NEO1: variants seen among roughly 807,000 people sequenced by gnomAD.
NEO1 encodes neogenin 1, also known as neogenin.
NEO1 carries 63 observed loss-of-function variants against 159.7 expected under a neutral mutation model. The observed-to-expected ratio is 0.39, with a 90% confidence interval of 0.32 to 0.49. NEO1 has a LOEUF of 0.49. Among genes scored for constraint, NEO1 ranks in the 20% least tolerant of loss-of-function variants. NEO1 has a pLI of 0.85. For missense variants in NEO1, 1,615 were observed against 1,831.0 expected (o/e 0.88, Z 2.15); for synonymous variants, 633 against 662.0 (o/e 0.96, Z 0.67).
chr15:73,051,848 G>A (rs1235206582), upstream of NEO1: 2 of 152,342 alleles, frequency 1.3e-5, no homozygotes, highest in Non-Finnish European at 2.9e-5. Flanking sequence ...TCCTCCCGGA[G>A]GCCTTTCGGT....
intron 1 of NEO1, among the ~76,000 whole-genome samples, chr15:73,069,788 T>C (rs1311096615): frequency 2.0e-5 from 3 of 152,112 alleles, no homozygotes; most frequent in African/African-American, 7.2e-5. Flanking sequence ...ATTTGTTAAA[T>C]AAGGAATTCA....
At chr15:73,168,529 G>A (rs182603181) in intron 5 of NEO1, among the ~76,000 whole-genome samples, 12 of 152,150 alleles carry the variant, frequency 7.9e-5, no homozygotes, top group African/African-American at 2.2e-4. Flanking sequence ...TCAGATGGAT[G>A]AGTACCTGTT....
chr15:73,071,728 C>G (rs1168251132), intron 1 of NEO1, among the ~76,000 whole-genome samples: 1 of 152,136 alleles, frequency 6.6e-6, no homozygotes, highest in Non-Finnish European at 1.5e-5. Context: ...GTTGCCCAGG[C>G]TGGGCTCAAA....
intron 5 of NEO1, among the ~76,000 whole-genome samples, chr15:73,173,876 G>T (rs532772234): frequency 2.6e-5 from 4 of 152,032 alleles, no homozygotes; most frequent in Non-Finnish European, 5.9e-5. Context: ...GAGGCAGGTG[G>T]ATCACCTGAG....
At chr15:73,099,068 T>C (rs1800787798) in intron 1 of NEO1, among the ~76,000 whole-genome samples, 1 of 152,200 alleles carries the variant, frequency 6.6e-6, no homozygotes, top group East Asian at 1.9e-4. Context: ...GAAAATGATA[T>C]GCAGCAGTGT....
chr15:73,249,851 CT>C, intron 11 of NEO1, 130 bp downstream of exon 11: 2 of 1,066,722 alleles, frequency 1.9e-6, no homozygotes, highest in Non-Finnish European at 2.6e-6. Flanking sequence ...GGTAATATGA[CT>C]TTAGTCAAGT....
intron 8 of NEO1, among the ~76,000 whole-genome samples, chr15:73,241,855 T>C (rs530378610): frequency 6.2e-4 from 94 of 152,364 alleles, no homozygotes; most frequent in Non-Finnish European, 1.2e-3. Context: ...AATGCTTCTA[T>C]AGAAATTTGA....
intron 7 of NEO1, among the ~76,000 whole-genome samples, chr15:73,192,438 C>A (rs1022630677): frequency 2.6e-5 from 4 of 151,770 alleles, no homozygotes; most frequent in Non-Finnish European, 4.4e-5. Context: ...GTTTTGAGTT[C>A]TTGAAACATT....
intron 8 of NEO1, among the ~76,000 whole-genome samples, chr15:73,240,639 A>G (rs770177473): frequency 6.6e-6 from 1 of 152,240 alleles, no homozygotes; most frequent in Non-Finnish European, 1.5e-5. Context: ...ACTACCCAAG[A>G]TTAAAGGAGA....
intron 7 of NEO1, among the ~76,000 whole-genome samples, chr15:73,193,997 C>T (rs558172274): frequency 6.6e-6 from 1 of 152,024 alleles, no homozygotes; most frequent in Non-Finnish European, 1.5e-5. Context: ...GAATAGCCAG[C>T]ATCTCGGTTT....
chr15:73,072,264 T>A (rs2068574939), intron 1 of NEO1, among the ~76,000 whole-genome samples: 1 of 152,180 alleles, frequency 6.6e-6, no homozygotes, highest in African/African-American at 2.4e-5. Context: ...TTTTAATTTT[T>A]TTTTTTTAAC....
intron 1 of NEO1, among the ~76,000 whole-genome samples, chr15:73,108,096 A>AT (rs2070781481): frequency 6.6e-6 from 1 of 152,190 alleles, no homozygotes; most frequent in Non-Finnish European, 1.5e-5. Flanking sequence ...ATTCTTATAT[A>AT]TTTCTCATCT....
At chr15:73,204,120 G>GT (rs58954680) in intron 7 of NEO1, among the ~76,000 whole-genome samples, 48,187 of 149,426 alleles carry the variant, frequency 0.32, 8,856 homozygotes, top group Admixed American at 0.45. Context: ...AGGTTGGTGG[G>GT]TTTTTTTTTC....
In NEO1 at chr15:73,084,781, T is replaced by TGTG. The variant is rs551148834; in HGVS notation, c.131-31759_131-31758insGTG. Among the ~76,000 whole-genome samples the TGTG allele has an allele frequency of 2.1e-3, 312 of 151,558 alleles. 2 individuals carry two copies. The highest frequency in any genetic ancestry group is 7.0e-3 in the African/African-American group (291 of 41,402). On this transcript the variant is annotated intron_variant, in intron 1 of 28. Coordinates refer to ENST00000261908, the MANE Select transcript of NEO1 (RefSeq NM_002499.4). Reference sequence around the variant, plus strand: ...ATGTTTCAATTTTACCTTTTTCTTTTTGTGTGTGTGTGTGTGTTTAATGTG... The same window carrying TGTG: ...ATGTTTCAATTTTACCTTTTTCTTTTGTGTGTGTGTGTGTGTGTGTTTAATGTG...
intron 1 of NEO1, among the ~76,000 whole-genome samples, chr15:73,074,002 T>C (rs72741405): frequency 7.9e-5 from 12 of 152,330 alleles, no homozygotes; most frequent in Non-Finnish European, 1.6e-4. Flanking sequence ...TTTTGTGGAC[T>C]AATGATAGAA....
intron 1 of NEO1, among the ~76,000 whole-genome samples, chr15:73,090,667 T>C (rs1029965867): frequency 3.3e-5 from 5 of 152,196 alleles, no homozygotes; most frequent in Non-Finnish European, 7.4e-5. Context: ...CCTGTATAAA[T>C]AACTATTGTA....
chr15:73,092,973 A>G (rs1053413889), intron 1 of NEO1, among the ~76,000 whole-genome samples: 1 of 152,126 alleles, frequency 6.6e-6, no homozygotes, highest in Admixed American at 6.6e-5. Flanking sequence ...CCAGCATACC[A>G]TATTACATTT....
intron 1 of NEO1, among the ~76,000 whole-genome samples, chr15:73,066,226 C>T (rs1226121189): frequency 1.4e-4 from 4 of 28,580 alleles, no homozygotes; most frequent in African/African-American, 6.1e-4. Context: ...GGGGTTTCAT[C>T]GTGTTAGCCA....
chr15:73,190,766 TG>T (rs1437959355), intron 7 of NEO1, among the ~76,000 whole-genome samples: 8 of 152,104 alleles, frequency 5.3e-5, no homozygotes, highest in Non-Finnish European at 2.9e-5. Context: ...TCAAGGTAAC[TG>T]GTGTAATTTG....
Sources: allele counts gnomAD v4.1 joint callset (sites outside exome capture counted in the v4.1 genomes callset), GRCh38; gene constraint gnomAD v4.1.1; transcripts MANE v1.5; gene names NCBI Gene and HGNC (gene_info 2026-07-23, HGNC 2026-07-21).